SRGAP1: variants seen among roughly 807,000 people sequenced by gnomAD.
The protein encoded by SRGAP1 is SLIT-ROBO Rho GTPase-activating protein 1.
In SRGAP1, 43 loss-of-function variants were observed where a neutral mutation model predicts 121.9. The observed-to-expected ratio is 0.35, with a 90% CI of 0.28 to 0.46. SRGAP1 has a LOEUF of 0.46. Ranked by LOEUF, SRGAP1 falls within the 20% of genes least tolerant of loss-of-function variation. The pLI is 1.00. For missense variants in SRGAP1, 1,102 were observed against 1,350.9 expected (o/e 0.82, Z 2.89); for synonymous variants, 447 against 485.4 (o/e 0.92, Z 1.04).
At position 64,144,255 on chromosome 12, in the gene SRGAP1, G is replaced by GTTGTTGTTGTTGTTGTTGTTGTTGT. The variant is rs1565701100; in HGVS notation, c.*1583_*1584insTTGTTGTTGTTGTTGTTGTTGTTGT. ...ATTTTTGTTGTTGTTGTTGTTGTTG[G>GTTGTTGTTGTTGTTGTTGTTGTTGT]GAGAAATGGATTTCCCACAACTAAT... On this transcript the variant is annotated 3_prime_UTR_variant, in exon 22 of 22. Transcript: ENST00000355086. 1 of 86,566 alleles carries GTTGTTGTTGTTGTTGTTGTTGTTGT rather than the reference G, an allele frequency of 1.2e-5. No homozygotes were observed. Among genetic ancestry groups the GTTGTTGTTGTTGTTGTTGTTGTTGT allele is most frequent in the African/African-American group, 4.7e-5 (1 of 21,462 alleles). 5.4% of individuals were successfully genotyped at this position (86,566 alleles called of 1,614,324 possible). A position where few individuals can be genotyped will look rare whatever the true frequency, so the allele number is the denominator to read the frequency against.
At chr12:64,088,202 G>A (rs982085073) in intron 11 of SRGAP1, among the ~76,000 whole-genome samples, 1 of 152,074 alleles carries the variant, frequency 6.6e-6, no homozygotes. Context: ...TACAGCTCCT[G>A]ACTTTTCCAA....
rs202230735 is a variant in SRGAP1 at position 63,886,438 on chromosome 12, C to CT, written c.67+41563dup. Reference sequence around the variant, plus strand: ...TGTAATTTGAGCCAAAGTAAAAACCCTTTTTTTTACTTTTTTATTTTAGAA... The same window carrying CT: ...TGTAATTTGAGCCAAAGTAAAAACCCTTTTTTTTTACTTTTTTATTTTAGAA... On this transcript the variant is annotated intron_variant, in intron 1 of 21. Coordinates refer to ENST00000355086, the MANE Select transcript of SRGAP1 (RefSeq NM_020762.4). Among the ~76,000 whole-genome samples the CT allele has an allele frequency of 8.0e-3, 1,198 of 150,444 alleles. 32 individuals carry two copies. The highest frequency in any genetic ancestry group is 0.028 in the African/African-American group (1,125 of 40,128).
At chr12:64,132,500 C>T (rs1016573789) in intron 21 of SRGAP1, among the ~76,000 whole-genome samples, 1 of 152,178 alleles carries the variant, frequency 6.6e-6, no homozygotes, top group South Asian at 2.1e-4. Context: ...CCAAATAGGC[C>T]CACTAGGCGT....
intron 10 of SRGAP1, chr12:64,082,022 T>C (rs1235023924): frequency 7.0e-6 from 1 of 143,768 alleles, no homozygotes; most frequent in African/African-American, 2.6e-5. Context: ...TTTTTTTTTT[T>C]CAATTTTTCA....
At chr12:64,043,308 C>T in intron 5 of SRGAP1, 139 bp from the exon 6 acceptor site, 1 of 842,294 alleles carries the variant, frequency 1.2e-6, no homozygotes, top group Non-Finnish European at 1.8e-6. Context: ...TCAAAATGTA[C>T]TTTTGGCAAA....
At chr12:64,065,992 T>C (rs546035283) in intron 8 of SRGAP1, among the ~76,000 whole-genome samples, 1 of 152,002 alleles carries the variant, frequency 6.6e-6, no homozygotes, top group Admixed American at 6.6e-5. Flanking sequence ...ATTAACTTAC[T>C]TGAATTCACG....
intron 1 of SRGAP1, among the ~76,000 whole-genome samples, chr12:63,973,494 T>A (rs1033362999): frequency 2.0e-5 from 3 of 152,188 alleles, no homozygotes; most frequent in African/African-American, 7.2e-5. Flanking sequence ...CACCACATAA[T>A]AGGATTGCTG....
chr12:63,882,018 T>C (rs1029434526), intron 1 of SRGAP1, among the ~76,000 whole-genome samples: 4 of 152,158 alleles, frequency 2.6e-5, no homozygotes, highest in African/African-American at 9.7e-5. Context: ...AATGAAAAAT[T>C]AGAATATAGA....
chr12:64,013,790 A>G (rs1272976401), intron 3 of SRGAP1, among the ~76,000 whole-genome samples: 1 of 152,202 alleles, frequency 6.6e-6, no homozygotes, highest in Non-Finnish European at 1.5e-5. Context: ...TAATATACAC[A>G]CATGGCAAGG....
chr12:64,028,078 G>A (rs2034693263), intron 4 of SRGAP1, among the ~76,000 whole-genome samples: 1 of 152,208 alleles, frequency 6.6e-6, no homozygotes, highest in Non-Finnish European at 1.5e-5. Context: ...TGAAATTCTA[G>A]TAAATTTGGT....
rs150499431 is a variant in SRGAP1 at position 63,957,027 on chromosome 12, T to A, written c.68-26920T>A. On this transcript the variant is annotated intron_variant, in intron 1 of 21. Transcript: ENST00000355086. ...GCATAATATTTTGAAGGTTCATCCA[T>A]GTTGTAGCATGTACCAGTACTTCAT... 3.1e-3 allele frequency among the ~76,000 whole-genome samples: 466 copies of A among 152,324 alleles called. 3 individuals are homozygous for A. Among genetic ancestry groups the A allele is most frequent in the African/African-American group, 0.011 (449 of 41,566 alleles).
intron 8 of SRGAP1, among the ~76,000 whole-genome samples, chr12:64,066,881 C>T (rs2136542363): frequency 6.6e-6 from 1 of 152,286 alleles, no homozygotes; most frequent in African/African-American, 2.4e-5. Context: ...CTAGTGACTT[C>T]CCTTGTTTTT....
chr12:63,977,935 G>T (rs753173033), intron 1 of SRGAP1, among the ~76,000 whole-genome samples: 1 of 152,126 alleles, frequency 6.6e-6, no homozygotes, highest in Non-Finnish European at 1.5e-5. Context: ...CCTAAAAGTG[G>T]TTGTGCTGTT....
At chr12:64,090,669 G>A (rs922936572) in intron 11 of SRGAP1, among the ~76,000 whole-genome samples, 3 of 152,066 alleles carry the variant, frequency 2.0e-5, no homozygotes, top group Non-Finnish European at 2.9e-5. Context: ...GGGGGACTCC[G>A]TCTCTATAAA....
intron 16 of SRGAP1, 90 bp downstream of exon 16, chr12:64,109,127 A>G: frequency 1.2e-6 from 1 of 827,530 alleles, no homozygotes; most frequent in Non-Finnish European, 1.8e-6. Flanking sequence ...TCCATTTATC[A>G]GCAGAGTCAA....
In SRGAP1 at chr12:64,156,531, A is replaced by G. The variant is rs2037165504; in HGVS notation, c.*13859A>G. The G allele has an allele frequency of 6.6e-6, 1 of 152,204 alleles. No homozygotes were observed. The highest frequency in any genetic ancestry group is 2.4e-5 in the African/African-American group (1 of 41,452). The allele number at this position is 152,204 out of a possible 1,614,324, so 9.4% of individuals were successfully genotyped here. A position where few individuals can be genotyped will look rare whatever the true frequency, so the allele number is the denominator to read the frequency against. Reference sequence around the variant, plus strand: ...GTACTCATCTACAGGATGAAAGGGTATGAGCACGTTTCTAGGTGCCCTGAC... The same window carrying G: ...GTACTCATCTACAGGATGAAAGGGTGTGAGCACGTTTCTAGGTGCCCTGAC... On this transcript the variant is annotated 3_prime_UTR_variant, in exon 22 of 22. Coordinates refer to ENST00000355086, the MANE Select transcript of SRGAP1 (RefSeq NM_020762.4).
At chr12:64,066,154 A>T (rs2035536009) in intron 8 of SRGAP1, among the ~76,000 whole-genome samples, 1 of 152,252 alleles carries the variant, frequency 6.6e-6, no homozygotes, top group South Asian at 2.1e-4. Flanking sequence ...AAATGATGTT[A>T]TCAGGACTCT....
intron 1 of SRGAP1, among the ~76,000 whole-genome samples, chr12:63,913,454 C>CACATATATATATATATATATATATAT (rs1461793304): frequency 8.1e-6 from 1 of 124,114 alleles, no homozygotes; most frequent in Non-Finnish European, 1.7e-5. Flanking sequence ...ACTGTGTCCA[C>CACATATATATATATATATATATATAT]ATATATATAT....
chr12:64,145,783 CAG>C lies in SRGAP1; in HGVS notation c.*3112_*3113del, dbSNP rs2037042380. On this transcript the variant is annotated 3_prime_UTR_variant, in exon 22 of 22. Coordinates refer to ENST00000355086, the MANE Select transcript of SRGAP1 (RefSeq NM_020762.4). ...TCTTTATAGCCACAGAGGCAGCACA[CAG>C]GGGAGGTGGGAAGACACAGGGAAAC... is the stretch of plus-strand genomic sequence containing the variant. 1 of 152,262 alleles carries C rather than the reference CAG, an allele frequency of 6.6e-6. No homozygotes were observed. The highest frequency in any genetic ancestry group is 6.5e-5 in the Admixed American group (1 of 15,284). The allele number at this position is 152,262 out of a possible 1,614,324, so 9.4% of individuals were successfully genotyped here. A position where few individuals can be genotyped will look rare whatever the true frequency, so the allele number is the denominator to read the frequency against.
Sources: gnomAD v4.1 joint callset for allele counts (sites outside exome capture counted in the v4.1 genomes callset) on GRCh38, gnomAD v4.1.1 for gene constraint, MANE v1.5 for transcripts, NCBI Gene and HGNC (gene_info 2026-07-23, HGNC 2026-07-21) for gene names.